Variants in PCIF1 observed in about 807,000 individuals in gnomAD.
The protein encoded by PCIF1 is phosphorylated CTD interacting factor 1.
In PCIF1, 12 loss-of-function variants were observed where a neutral mutation model predicts 86.9. That is an observed-to-expected ratio of 0.14 (90% CI 0.09 to 0.22). The LOEUF (loss-of-function observed/expected upper bound fraction) is 0.22. PCIF1 is among the 10% of genes least tolerant of loss of function. PCIF1 has a pLI of 1.00. For missense variants in PCIF1, 701 were observed against 951.1 expected (o/e 0.74, Z 3.46); for synonymous variants, 397 against 372.0 (o/e 1.07, Z -0.77).
At chr20:45,937,817 C>T (rs1271652470) in intron 2 of PCIF1, 1 of 375,148 alleles carries the variant, frequency 2.7e-6, no homozygotes, top group East Asian at 3.8e-5. Context: ...CTTTTCCCTT[C>T]CTAAATTAAG....
chr20:45,945,604 TG>T, intron 11 of PCIF1, 106 bp from the exon 12 acceptor site: 1 of 1,352,336 alleles, frequency 7.4e-7, no homozygotes, highest in Non-Finnish European at 1.0e-6. Context: ...CAGAGTATAC[TG>T]ATCTGTGGAA....
chr20:45,943,075 C>CA lies in PCIF1; in HGVS notation c.674-21dup. ...GACTGCTTGATTAAATCCAGGCCTT[C>CA]AGCAGCTCTCCTGTCCTGCAGGCAT... On this transcript the variant is annotated intron_variant, in intron 7 of 16. Transcript: ENST00000372409. The surrounding 1 kb of genome is among the most constrained non-coding windows in gnomAD (Gnocchi z 5.5). The CA allele has an allele frequency of 6.2e-7, 1 of 1,610,014 alleles. No homozygotes were observed. Among genetic ancestry groups the CA allele is most frequent in the Non-Finnish European group, 8.5e-7 (1 of 1,177,622 alleles).
chr20:45,947,852 T>C lies in PCIF1; in HGVS notation c.*97T>C. The stretch of plus-strand genomic sequence containing the variant: ...AGAGGGACCCCGGCTGCCACTGACA[T>C]ATGAAGATTATGGTTCTGCCAGGGC... On this transcript the variant is annotated 3_prime_UTR_variant, in exon 17 of 17. Coordinates refer to ENST00000372409, the MANE Select transcript of PCIF1 (RefSeq NM_022104.4). This position sits in a 1 kb window ranked among gnomAD's most constrained non-coding sequence, Gnocchi z 5.4. 1 of 1,536,448 alleles carries C rather than the reference T, an allele frequency of 6.5e-7. No individual in the cohort carries two copies. Among genetic ancestry groups the C allele is most frequent in the East Asian group, 2.4e-5 (1 of 41,414 alleles).
At chr20:45,935,403 C>G (rs2083415214) in intron 1 of PCIF1, among the ~76,000 whole-genome samples, 2 of 152,192 alleles carry the variant, frequency 1.3e-5, no homozygotes, top group Admixed American at 1.3e-4. Context: ...GTTGTTTATC[C>G]TTGAGCAGCG....
intron 7 of PCIF1, 149 bp downstream of exon 7, chr20:45,941,356 ACCCTCTTT>A: frequency 1.1e-6 from 1 of 893,898 alleles, no homozygotes; most frequent in Non-Finnish European, 1.7e-6. Context: ...ACAGAGCAAG[ACCCTCTTT>A]CAAAAAAACA....
At chr20:45,939,603 A>T (rs566963093) in intron 4 of PCIF1, among the ~76,000 whole-genome samples, 1 of 152,194 alleles carries the variant, frequency 6.6e-6, no homozygotes, top group African/African-American at 2.4e-5. Context: ...CTTGCTCCCT[A>T]CGGTCGCAGA....
rs575855324 is a variant in PCIF1 at position 45,943,873 on chromosome 20, A to G, written c.1005+108A>G. On this transcript the variant is annotated intron_variant, in intron 10 of 16. Coordinates refer to ENST00000372409, the MANE Select transcript of PCIF1 (RefSeq NM_022104.4). The surrounding 1 kb of genome is among the most constrained non-coding windows in gnomAD (Gnocchi z 5.5). Reference sequence around the variant, plus strand: ...TGGGCAAGGCCTCCCCCAGCGGCCTATTCTTGTGCAGTATGGCAGACGTTC... The same window carrying G: ...TGGGCAAGGCCTCCCCCAGCGGCCTGTTCTTGTGCAGTATGGCAGACGTTC... The G allele has an allele frequency of 1.3e-5, 11 of 833,608 alleles. No homozygotes were observed. Among genetic ancestry groups the G allele is most frequent in the African/African-American group, 6.8e-5 (4 of 59,142 alleles). 51.6% of individuals were successfully genotyped at this position (833,608 alleles called of 1,614,324 possible).
At chr20:45,939,701 A>G (rs1419717696) in intron 4 of PCIF1, among the ~76,000 whole-genome samples, 1 of 152,132 alleles carries the variant, frequency 6.6e-6, no homozygotes, top group Non-Finnish European at 1.5e-5. Context: ...ATCCTGACAT[A>G]CTCTGGGGAA....
At chr20:45,942,656 C>A (rs981171820) in intron 7 of PCIF1, among the ~76,000 whole-genome samples, 1 of 151,978 alleles carries the variant, frequency 6.6e-6, no homozygotes, top group Non-Finnish European at 1.5e-5. Flanking sequence ...GCTCTGTCAC[C>A]CAGGTTGGGG....
At position 45,943,850 on chromosome 20, in the gene PCIF1, G is replaced by A; in HGVS notation, c.1005+85G>A. 1 of 1,147,160 alleles carries A rather than the reference G, an allele frequency of 8.7e-7. No individual in the cohort carries two copies. Among genetic ancestry groups the A allele is most frequent in the Non-Finnish European group, 1.3e-6 (1 of 792,908 alleles). 71.1% of individuals were successfully genotyped at this position (1,147,160 alleles called of 1,614,324 possible). ...AAGCCTACTCTGCCTGTCCAGGCTG[G>A]GCAAGGCCTCCCCCAGCGGCCTATT... is the stretch of plus-strand genomic sequence containing the variant. On this transcript the variant is annotated intron_variant, in intron 10 of 16. Transcript: ENST00000372409. The surrounding 1 kb of genome is among the most constrained non-coding windows in gnomAD (Gnocchi z 5.5).
Position 45,941,206 on chromosome 20 carries a change from G to T in PCIF1, c.672G>T (p.Glu224Asp). The change falls in exon 7 of 17, where the codon GAG becomes GAT. Residue 224 changes from glutamate to aspartate, a missense_variant and splice_region_variant. Transcript: ENST00000372409. The part of the protein sequence containing the change: ...QHYRELCQQR[E>D]GIEPPRESFN... Reference sequence around the variant, plus strand: ...ATCGGGAGCTGTGCCAGCAGCGAGAGGGTACCTGCCTCTGGGCTGCAGCCT... The same window carrying T: ...ATCGGGAGCTGTGCCAGCAGCGAGATGGTACCTGCCTCTGGGCTGCAGCCT... The T allele has an allele frequency of 6.2e-7, 1 of 1,600,040 alleles. No individual in the cohort carries two copies. Among genetic ancestry groups the T allele is most frequent in the South Asian group, 1.1e-5 (1 of 89,304 alleles).
Position 45,944,912 on chromosome 20 carries a change from G to A in PCIF1, c.1050G>A (p.Ser350=), listed in dbSNP as rs766542877. The part of the protein sequence containing the change: ...HLRRQCGPHV[S]AAAKDSVEGI... ...GGAGGCAGTGTGGCCCCCACGTCTC[G>A]GCCGCAGCCAAGGACTCCGTGGAAG... is the stretch of plus-strand genomic sequence containing the variant. The change falls in exon 11 of 17, where the codon TCG becomes TCA. Residue 350 remains serine, a synonymous_variant. Transcript: ENST00000372409. 1.9e-5 allele frequency: 30 copies of A among 1,614,090 alleles called. No individual in the cohort carries two copies. Among genetic ancestry groups the A allele is most frequent in the Middle Eastern group, 1.7e-4 (1 of 6,060 alleles).
rs767099238 is a variant in PCIF1, at chr20:45,944,836, A to T, written c.1006-32A>T. On this transcript the variant is annotated intron_variant, in intron 10 of 16. Transcript: ENST00000372409. ...GCCCAGCTGAGCCCCTCTGGCCTCC[A>T]CTAGCGCCCTGATCCAGAATGTGTC... 5.0e-6 allele frequency: 8 copies of T among 1,594,196 alleles called. No individual in the cohort carries two copies. The East Asian group carries it at 1.8e-4, about 36-fold the overall frequency.
At chr20:45,945,051 G>C in intron 11 of PCIF1, 21 bp downstream of exon 11, 2 of 1,584,512 alleles carry the variant, frequency 1.3e-6, no homozygotes, top group Non-Finnish European at 1.7e-6. Flanking sequence ...GGTGAAGGAG[G>C]AGCCAGCTGT....
Position 45,947,767 on chromosome 20 carries a change from G to GGGA in PCIF1, c.*20_*22dup. 6.3e-7 allele frequency: 1 copy of GGGA among 1,591,554 alleles called. No individual in the cohort carries two copies. Among genetic ancestry groups the GGGA allele is most frequent in the Non-Finnish European group, 8.5e-7 (1 of 1,171,852 alleles). ...CTCACCCCACTTAACATATCCTGCG[G>GGGA]GGAGGAGGAGCCCCAGGGGTGCTAG... On this transcript the variant is annotated 3_prime_UTR_variant, in exon 17 of 17. Transcript: ENST00000372409. The surrounding 1 kb of genome is among the most constrained non-coding windows in gnomAD (Gnocchi z 5.4).
At chr20:45,945,252 T>G (rs2083512976) in intron 11 of PCIF1, among the ~76,000 whole-genome samples, 1 of 152,238 alleles carries the variant, frequency 6.6e-6, no homozygotes, top group Non-Finnish European at 1.5e-5. Context: ...TACCTGAATT[T>G]ACATCCATTC....
chr20:45,935,108 G>C (rs547672371), intron 1 of PCIF1, among the ~76,000 whole-genome samples: 59 of 151,728 alleles, frequency 3.9e-4, no homozygotes, highest in Non-Finnish European at 6.9e-4. Context: ...CGCGCGGCGG[G>C]GCGGGGGGCG....
chr20:45,945,094 A>T, intron 11 of PCIF1, 64 bp downstream of exon 11: 2 of 1,492,964 alleles, frequency 1.3e-6, no homozygotes, highest in Non-Finnish European at 1.8e-6. Flanking sequence ...GATGGAAGGG[A>T]CAAGTGAGAC....
At position 45,946,506 on chromosome 20, in the gene PCIF1, C is replaced by A. The variant is rs1432766648; in HGVS notation, c.1613+122C>A. ...GTGGAGTCCCTGCCTCCACCTCTTA[C>A]CGGCTATGTGACCTTGGACATGTTG... On this transcript the variant is annotated intron_variant, in intron 14 of 16. Transcript: ENST00000372409. The A allele has an allele frequency of 6.8e-6, 8 of 1,178,690 alleles. 1 individual carries two copies. The highest frequency in any genetic ancestry group is 5.6e-5 in the South Asian group (4 of 71,538). The allele number at this position is 1,178,690 out of a possible 1,614,324, so 73.0% of individuals were successfully genotyped here.
Sources: gnomAD v4.1 joint callset for allele counts (sites outside exome capture counted in the v4.1 genomes callset) on GRCh38, gnomAD v4.1.1 for gene constraint, Gnocchi (gnomAD v3.1) non-coding constraint, MANE v1.5 for transcripts, NCBI Gene and HGNC (gene_info 2026-07-23, HGNC 2026-07-21) for gene names.